The following OTOGL variants were observed in gnomAD, a reference collection of about 807,000 sequenced individuals.
OTOGL encodes the protein otogelin like, also known as otogelin-like protein.
In OTOGL, 285 loss-of-function variants were observed where a neutral mutation model predicts 318.5. The ratio of observed to expected loss-of-function variants is 0.89; its 90% confidence interval spans 0.81 to 0.99. The LOEUF (loss-of-function observed/expected upper bound fraction) is 0.99. OTOGL is among the 50% of genes least tolerant of loss of function. The pLI, the probability that OTOGL is intolerant of heterozygous loss-of-function variation, is 0.00. For synonymous variants in OTOGL, 987 were observed against 936.5 expected, an observed-to-expected ratio of 1.05 and a Z score of -0.99; for missense variants, 2,899 against 2,845.6, an observed-to-expected ratio of 1.02 and a Z score of -0.43.
intron 1 of OTOGL, chr12:80,131,778 T>C (rs1232558281): frequency 1.3e-5 from 2 of 152,218 alleles, no homozygotes; most frequent in East Asian, 1.9e-4. Context: ...ATAGATCTTA[T>C]TGTCTTTTTT....
At chr12:80,334,308 G>T (rs990414224) in intron 38 of OTOGL, among the ~76,000 whole-genome samples, 1 of 152,180 alleles carries the variant, frequency 6.6e-6, no homozygotes, top group Non-Finnish European at 1.5e-5. Flanking sequence ...TAAAGGGCTG[G>T]TGTCAACCAG....
intron 26 of OTOGL, among the ~76,000 whole-genome samples, chr12:80,286,133 G>A (rs1028118734): frequency 6.6e-6 from 1 of 152,180 alleles, no homozygotes; most frequent in Non-Finnish European, 1.5e-5. Flanking sequence ...AAATAATCAT[G>A]TGGTTTTTGT....
chr12:80,325,679 C>A (rs993240451), intron 35 of OTOGL, among the ~76,000 whole-genome samples: 4 of 152,196 alleles, frequency 2.6e-5, no homozygotes, highest in African/African-American at 9.7e-5. Context: ...GAGCTTCTCC[C>A]ACTCACAAAT....
chr12:80,367,563 A>C lies in OTOGL; in HGVS notation c.6334A>C (p.Lys2112Gln). ...TTGACTATGTTTTCTGTTCTTAGAA[A>C]AGGATGATGTGTGTGTATTTCAAGA... ...DCGCIQYLCE[K>Q]DDVCVFQEVS... Residue 2112 changes from lysine to glutamine, a missense_variant and splice_region_variant, in exon 54 of 59, where the codon AAG becomes CAG. Around this residue, in one of 3 missense-constraint regions of OTOGL, gnomAD observed 289 missense variants for 304.6 expected, o/e 0.95. Coordinates refer to ENST00000547103, the MANE Select transcript of OTOGL (RefSeq NM_001378609.3). The C allele has an allele frequency of 6.6e-7, 1 of 1,510,042 alleles. No individual in the cohort carries two copies. The highest frequency in any genetic ancestry group is 9.0e-7 in the Non-Finnish European group (1 of 1,115,792). 93.5% of individuals were successfully genotyped at this position (1,510,042 alleles called of 1,614,324 possible).
At chr12:80,109,204 GTT>G (rs1320843372) in intron 1 of OTOGL, among the ~76,000 whole-genome samples, 1 of 151,892 alleles carries the variant, frequency 6.6e-6, no homozygotes, top group Non-Finnish European at 1.5e-5. Context: ...GAAACTAAAT[GTT>G]TTTATTGCTA....
chr12:80,147,582 A>G lies in OTOGL; in HGVS notation c.-20+47977A>G, dbSNP rs185036691. On this transcript the variant is annotated intron_variant, in intron 1 of 58. Coordinates refer to ENST00000547103, the MANE Select transcript of OTOGL (RefSeq NM_001378609.3). ...GATGTCTATTAGGTCTGCTTGGTGC[A>G]GAGCTGAGTTTAATTCCTGGGTATT... is the stretch of plus-strand genomic sequence containing the variant. Among the ~76,000 whole-genome samples the G allele has an allele frequency of 8.2e-4, 124 of 152,098 alleles. 1 individual carries two copies. Among genetic ancestry groups the G allele is most frequent in the Admixed American group, 2.9e-3 (44 of 15,290 alleles).
intron 7 of OTOGL, among the ~76,000 whole-genome samples, chr12:80,224,319 G>A (rs1387710223): frequency 2.6e-5 from 4 of 151,974 alleles, no homozygotes; most frequent in African/African-American, 9.7e-5. Context: ...TGGTGACTAT[G>A]GCCTTATACT....
At chr12:80,268,621 A>C (rs1434740407) in intron 22 of OTOGL, among the ~76,000 whole-genome samples, 15 of 152,150 alleles carry the variant, frequency 9.9e-5, no homozygotes, top group Non-Finnish European at 1.5e-5. Flanking sequence ...CAGTTTCCCA[A>C]GCCAGAGCTC....
chr12:80,291,122 T>G (rs1030711126), intron 26 of OTOGL, among the ~76,000 whole-genome samples: 2 of 152,206 alleles, frequency 1.3e-5, no homozygotes, highest in Non-Finnish European at 2.9e-5. Flanking sequence ...CTCTGAGTCC[T>G]GGCAAGAGGA....
At chr12:80,122,340 C>T (rs1280519853) in intron 1 of OTOGL, among the ~76,000 whole-genome samples, 7 of 152,066 alleles carry the variant, frequency 4.6e-5, no homozygotes, top group Non-Finnish European at 1.0e-4. Context: ...TTATGACATA[C>T]TGGAATAATC....
In OTOGL at chr12:80,305,588, G is replaced by C; in HGVS notation, c.3226G>C (p.Gly1076Arg). ...TCTCTTACTTTAGAACAAGCTATCA[G>C]GATTGTGTGGAAACTTTGACAAATG... is the stretch of plus-strand genomic sequence containing the variant. ...VGPQWKNKLSGLCGNFDKCTS... is the reference protein window; with the variant it reads ...VGPQWKNKLSRLCGNFDKCTS... The change falls in exon 29 of 59, where the codon GGA becomes CGA. Residue 1076 changes from glycine to arginine, a missense_variant. Around this residue, in one of 3 missense-constraint regions of OTOGL, gnomAD observed 2,607 missense variants for 2,524.9 expected, o/e 1.03. Coordinates refer to ENST00000547103, the MANE Select transcript of OTOGL (RefSeq NM_001378609.3). 2 of 1,563,222 alleles carry C rather than the reference G, an allele frequency of 1.3e-6. No individual in the cohort carries two copies. Among genetic ancestry groups the C allele is most frequent in the Non-Finnish European group, 1.7e-6 (2 of 1,166,480 alleles).
intron 7 of OTOGL, among the ~76,000 whole-genome samples, chr12:80,228,314 C>T (rs925927968): frequency 3.3e-5 from 5 of 151,870 alleles, no homozygotes; most frequent in African/African-American, 7.3e-5. Flanking sequence ...TGGTGGTACA[C>T]GCCTATAGCC....
At chr12:80,337,256 A>G (rs1484501476) in intron 42 of OTOGL, among the ~76,000 whole-genome samples, 3 of 152,008 alleles carry the variant, frequency 2.0e-5, no homozygotes, top group African/African-American at 7.2e-5. Context: ...GCGACCTCTG[A>G]GATAGTGTGA....
intron 1 of OTOGL, among the ~76,000 whole-genome samples, chr12:80,174,624 A>G (rs749271241): frequency 7.9e-5 from 12 of 152,212 alleles, no homozygotes; most frequent in South Asian, 2.1e-4. Flanking sequence ...GTGTGAGAAC[A>G]TATTGGCTAA....
At chr12:80,273,365 A>C (rs1370255687) in intron 24 of OTOGL, among the ~76,000 whole-genome samples, 5 of 152,090 alleles carry the variant, frequency 3.3e-5, no homozygotes, top group Non-Finnish European at 1.5e-5. Flanking sequence ...CAGTGCCAGC[A>C]GTTTATTGAC....
chr12:80,099,890 C>T (rs750753511), intron 1 of OTOGL, among the ~76,000 whole-genome samples: 3 of 152,170 alleles, frequency 2.0e-5, no homozygotes, highest in Non-Finnish European at 4.4e-5. Flanking sequence ...GGTTTAGTTC[C>T]AATCACTTTG....
At chr12:80,154,705 A>C (rs909938359) in intron 1 of OTOGL, among the ~76,000 whole-genome samples, 1 of 152,212 alleles carries the variant, frequency 6.6e-6, no homozygotes, top group Non-Finnish European at 1.5e-5. Flanking sequence ...GGATATCTTA[A>C]TTGCTTCCAG....
intron 30 of OTOGL, among the ~76,000 whole-genome samples, chr12:80,312,926 C>T (rs1254201814): frequency 6.6e-6 from 1 of 152,150 alleles, no homozygotes; most frequent in Non-Finnish European, 1.5e-5. Flanking sequence ...ATTCTCCTGC[C>T]TCAGCCTCTT....
intron 52 of OTOGL, among the ~76,000 whole-genome samples, chr12:80,359,437 T>A (rs1048039435): frequency 1.3e-5 from 2 of 152,220 alleles, no homozygotes; most frequent in Non-Finnish European, 2.9e-5. Context: ...TTTCTTTAAC[T>A]ATCTTCATGA....
Sources: allele counts gnomAD v4.1 joint callset (sites outside exome capture counted in the v4.1 genomes callset), GRCh38; gene constraint gnomAD v4.1.1; regional missense constraint gnomAD v4.1.1; transcripts MANE v1.5; gene names NCBI Gene and HGNC (gene_info 2026-07-23, HGNC 2026-07-21).